The following TENM3 variants were observed in gnomAD, a reference collection of about 807,000 sequenced individuals.
The protein encoded by TENM3 is teneurin transmembrane protein 3, also known as teneurin-3.
In TENM3, 63 loss-of-function variants were observed where a neutral mutation model predicts 255.1. The observed-to-expected ratio is 0.25, with a 90% CI of 0.20 to 0.30. The LOEUF (loss-of-function observed/expected upper bound fraction) is 0.30, where lower values mean the gene tolerates loss of function less well. TENM3 is among the 10% of genes least tolerant of loss of function. The probability of loss-of-function intolerance (pLI) is 1.00; values close to 1 mark genes in which losing one functional copy is unlikely to be tolerated. For missense variants in TENM3, 2,929 were observed against 3,461.1 expected (o/e 0.85, Z 3.86); for synonymous variants, 1,306 against 1,322.3 (o/e 0.99, Z 0.27).
the TENM3 span, among the ~76,000 whole-genome samples, chr4:181,883,510 T>C: frequency 6.6e-5 from 10 of 152,218 alleles, no homozygotes; most frequent in Admixed American, 1.3e-4. Context: ...TCGCTCTGTC[T>C]GTCGCCCAGG....
At chr4:182,447,698 A>G (rs913645647) in intron 3 of TENM3, among the ~76,000 whole-genome samples, 2 of 152,170 alleles carry the variant, frequency 1.3e-5, no homozygotes, top group African/African-American at 4.8e-5. Flanking sequence ...GCTGATAAAG[A>G]TATGTTGTTG....
the TENM3 span, among the ~76,000 whole-genome samples, chr4:181,585,331 T>TA: frequency 3.3e-5 from 5 of 152,300 alleles, no homozygotes; most frequent in South Asian, 6.2e-4. Flanking sequence ...CGTTATCTCT[T>TA]ACGTGTTGTT....
chr4:182,775,458 CA>C (rs1370263238), intron 24 of TENM3, among the ~76,000 whole-genome samples: 1 of 152,202 alleles, frequency 6.6e-6, no homozygotes, highest in African/African-American at 2.4e-5. Flanking sequence ...AGGTCACTTT[CA>C]CAGAGCTATG....
At chr4:181,941,467 TTCAATG>T in the TENM3 span, among the ~76,000 whole-genome samples, 1 of 152,210 alleles carries the variant, frequency 6.6e-6, no homozygotes, top group Non-Finnish European at 1.5e-5. Flanking sequence ...TGCTTTTTAT[TTCAATG>T]ACTATAATTT....
At chr4:181,941,932 T>A in the TENM3 span, among the ~76,000 whole-genome samples, 2 of 152,150 alleles carry the variant, frequency 1.3e-5, no homozygotes, top group Non-Finnish European at 2.9e-5. Flanking sequence ...AGGCTTGGAG[T>A]TAAAATTTCT....
At chr4:182,308,447 G>A (rs1762258163) in intron 1 of TENM3, among the ~76,000 whole-genome samples, 1 of 152,000 alleles carries the variant, frequency 6.6e-6, no homozygotes, top group African/African-American at 2.4e-5. Flanking sequence ...CTTCTGAGTA[G>A]CTAGGCCTAC....
chr4:181,634,030 G>A, the TENM3 span, among the ~76,000 whole-genome samples: 1 of 152,122 alleles, frequency 6.6e-6, no homozygotes, highest in African/African-American at 2.4e-5. Context: ...TCCATCTTCA[G>A]TTCAGCCACA....
At chr4:182,718,304 A>G (rs1208721464) in intron 13 of TENM3, among the ~76,000 whole-genome samples, 2 of 152,188 alleles carry the variant, frequency 1.3e-5, no homozygotes, top group Non-Finnish European at 2.9e-5. Context: ...CCTTAGAATC[A>G]TTCTCAGGCC....
intron 3 of TENM3, among the ~76,000 whole-genome samples, chr4:182,362,377 T>C (rs1053924369): frequency 8.5e-4 from 1 of 1,178 alleles, no homozygotes; most frequent in African/African-American, 1.0e-3. Flanking sequence ...CTCTACCCAG[T>C]TGGAGAGCTT....
the TENM3 span, among the ~76,000 whole-genome samples, chr4:181,573,945 C>CA: frequency 1.8e-4 from 27 of 151,404 alleles, no homozygotes; most frequent in African/African-American, 5.1e-4. Flanking sequence ...TCACAGGCAG[C>CA]AAAAAAAATC....
At chr4:181,902,527 G>A in the TENM3 span, among the ~76,000 whole-genome samples, 1 of 152,124 alleles carries the variant, frequency 6.6e-6, no homozygotes, top group Non-Finnish European at 1.5e-5. Flanking sequence ...CAACCCAAAT[G>A]CCCATCAATG....
the TENM3 span, among the ~76,000 whole-genome samples, chr4:181,924,630 C>T: frequency 1.3e-5 from 2 of 152,284 alleles, no homozygotes; most frequent in East Asian, 3.9e-4. Context: ...CTGAATAATT[C>T]AGAATCCTTT....
At chr4:182,305,741 A>G (rs148554189) in intron 1 of TENM3, among the ~76,000 whole-genome samples, 1 of 152,280 alleles carries the variant, frequency 6.6e-6, no homozygotes, top group Non-Finnish European at 1.5e-5. Context: ...GTATTCAATG[A>G]TCAGACTGTG....
At chr4:182,033,327 T>C in the TENM3 span, among the ~76,000 whole-genome samples, 1 of 152,224 alleles carries the variant, frequency 6.6e-6, no homozygotes, top group Non-Finnish European at 1.5e-5. Context: ...GAGCAAGTTG[T>C]TCACTTTCCA....
chr4:182,425,836 T>G (rs1232684789), intron 3 of TENM3, among the ~76,000 whole-genome samples: 1 of 151,916 alleles, frequency 6.6e-6, no homozygotes, highest in Non-Finnish European at 1.5e-5. Context: ...GGTGAAACCC[T>G]GTCTCTACTA....
chr4:181,464,024 T>C, the TENM3 span, among the ~76,000 whole-genome samples: 2 of 152,222 alleles, frequency 1.3e-5, no homozygotes, highest in Non-Finnish European at 2.9e-5. Flanking sequence ...TGAATGAATA[T>C]ACCACATTTT....
the TENM3 span, among the ~76,000 whole-genome samples, chr4:181,668,455 A>G: frequency 6.6e-6 from 1 of 152,216 alleles, no homozygotes. Context: ...GTCAAGGTGC[A>G]GGCAGGGCCA....
At chr4:182,228,372 G>GTA (rs1561218824) in intron 1 of TENM3, among the ~76,000 whole-genome samples, 1 of 94,168 alleles carries the variant, frequency 1.1e-5, no homozygotes, top group East Asian at 2.0e-4. Flanking sequence ...GTGTGTGTGT[G>GTA]TGTGTGTGTG....
chr4:182,116,606 G>C, the TENM3 span, among the ~76,000 whole-genome samples: 1 of 152,088 alleles, frequency 6.6e-6, no homozygotes, highest in African/African-American at 2.4e-5. Flanking sequence ...GTTTCCTGAG[G>C]CCTCCCCACC....
Sources: gnomAD v4.1 joint callset for allele counts (sites outside exome capture counted in the v4.1 genomes callset) on GRCh38, gnomAD v4.1.1 for gene constraint, MANE v1.5 for transcripts, NCBI Gene and HGNC (gene_info 2026-07-23, HGNC 2026-07-21) for gene names.